ADGRL2: variants seen among roughly 807,000 people sequenced by gnomAD.
ADGRL2 encodes the protein calcium-independent alpha-latrotoxin receptor 2.
ADGRL2 carries 44 observed loss-of-function variants against 157.4 expected under a neutral mutation model. The observed-to-expected ratio is 0.28, with a 90% CI of 0.22 to 0.36. The LOEUF (loss-of-function observed/expected upper bound fraction) is 0.36. ADGRL2 is among the 10% of genes least tolerant of loss of function. The pLI is 1.00. For synonymous variants in ADGRL2, 585 were observed against 624.7 expected (o/e 0.94, Z 0.95); for missense variants, 1,510 against 1,768.9 (o/e 0.85, Z 2.63).
intron 1 of ADGRL2, among the ~76,000 whole-genome samples, chr1:81,739,926 A>G (rs1021864478): frequency 6.6e-5 from 10 of 152,318 alleles, no homozygotes; most frequent in Admixed American, 1.3e-4. Context: ...ACATGCACAA[A>G]CACATAAATA....
At chr1:81,530,045 AG>A (rs1387750737) in intron 2 of ADGRL2, among the ~76,000 whole-genome samples, 1 of 152,226 alleles carries the variant, frequency 6.6e-6, no homozygotes, top group African/African-American at 2.4e-5. Flanking sequence ...TGATGGCTAC[AG>A]GGTTGAATGC....
chr1:81,394,630 G>A (rs535395474), intron 1 of ADGRL2, among the ~76,000 whole-genome samples: 1 of 152,266 alleles, frequency 6.6e-6, no homozygotes, highest in Non-Finnish European at 1.5e-5. Context: ...CACTTTGGTT[G>A]ATTCCATATC....
chr1:81,810,570 C>T (rs1571352487), intron 1 of ADGRL2, among the ~76,000 whole-genome samples: 2 of 151,746 alleles, frequency 1.3e-5, no homozygotes, highest in Admixed American at 6.6e-5. Flanking sequence ...ATGCTTATGG[C>T]GTATTTTAGT....
At chr1:81,367,984 A>G (rs1456840817) in intron 1 of ADGRL2, among the ~76,000 whole-genome samples, 1 of 152,196 alleles carries the variant, frequency 6.6e-6, no homozygotes, top group Non-Finnish European at 1.5e-5. Context: ...GCTATAGTGA[A>G]CATACACGTG....
chr1:81,984,389 G>T, intron 19 of ADGRL2, 194 bp from the exon 20 acceptor site: 1 of 492,128 alleles, frequency 2.0e-6, no homozygotes. Context: ...CAGTCTAGTG[G>T]ACAGAGATAC....
chr1:81,624,197 T>G (rs1164902154), intron 3 of ADGRL2, among the ~76,000 whole-genome samples: 1 of 152,208 alleles, frequency 6.6e-6, no homozygotes, highest in East Asian at 1.9e-4. Context: ...TTCTGTTGTT[T>G]TAAGCTGCCC....
intron 2 of ADGRL2, among the ~76,000 whole-genome samples, chr1:81,520,057 G>C (rs1007992968): frequency 6.6e-6 from 1 of 151,932 alleles, no homozygotes; most frequent in Admixed American, 6.6e-5. Flanking sequence ...ATTTTTATGA[G>C]AGTAGATGAT....
At chr1:81,397,869 T>C (rs1247406293) in intron 1 of ADGRL2, among the ~76,000 whole-genome samples, 1 of 152,174 alleles carries the variant, frequency 6.6e-6, no homozygotes, top group Non-Finnish European at 1.5e-5. Context: ...GGTTTCTTGG[T>C]TGATTTTTTC....
chr1:81,351,574 A>G (rs1477795778), intron 1 of ADGRL2, among the ~76,000 whole-genome samples: 1 of 150,146 alleles, frequency 6.7e-6, no homozygotes, highest in Admixed American at 6.8e-5. Flanking sequence ...GCAAATGCAC[A>G]AAGAAAAAAA....
At chr1:81,850,019 T>C (rs1557770030) in intron 2 of ADGRL2, among the ~76,000 whole-genome samples, 2 of 147,834 alleles carry the variant, frequency 1.4e-5, no homozygotes, top group African/African-American at 2.4e-5. Context: ...CTATAGTCAG[T>C]GGACAGACTG....
At chr1:81,522,569 G>A (rs1272460734) in intron 2 of ADGRL2, among the ~76,000 whole-genome samples, 2 of 138,254 alleles carry the variant, frequency 1.4e-5, no homozygotes, top group Admixed American at 7.2e-5. Flanking sequence ...TTGTCCTGTA[G>A]TATAGGTGAT....
At chr1:81,581,661 T>C (rs1326482972) in intron 3 of ADGRL2, among the ~76,000 whole-genome samples, 1 of 152,140 alleles carries the variant, frequency 6.6e-6, no homozygotes, top group Non-Finnish European at 1.5e-5. Context: ...GAAAGCACAA[T>C]CTTAAAATCT....
intron 1 of ADGRL2, among the ~76,000 whole-genome samples, chr1:81,339,600 G>A (rs185952523): frequency 7.4e-5 from 11 of 149,474 alleles, no homozygotes; most frequent in Admixed American, 6.6e-4. Flanking sequence ...TTGTTTGTTT[G>A]TTTTTCCTTT....
intron 6 of ADGRL2, among the ~76,000 whole-genome samples, chr1:81,945,634 A>G (rs1649564811): frequency 6.6e-6 from 1 of 152,082 alleles, no homozygotes; most frequent in African/African-American, 2.4e-5. Context: ...TCAGATGAAA[A>G]GTCTTTGATA....
chr1:81,735,110 A>C (rs2084853433), intron 1 of ADGRL2: 1 of 148,896 alleles, frequency 6.7e-6, no homozygotes, highest in South Asian at 2.2e-4. Flanking sequence ...GAAAGAAAAC[A>C]TGGAGGGGAA....
In ADGRL2 at chr1:81,311,619, G is replaced by A. The variant is rs150455560; in HGVS notation, c.-302+5110G>A. On this transcript the variant is annotated intron_variant, in intron 1 of 24. Transcript: ENST00000370721. ...TATATATTTTTTAAAATTTGTTTCAGGAGGAAACAAATTTGAGAGGAACAT... is the reference window on the plus strand; with the variant it reads ...TATATATTTTTTAAAATTTGTTTCAAGAGGAAACAAATTTGAGAGGAACAT... 1.1e-3 allele frequency among the ~76,000 whole-genome samples: 170 copies of A among 152,184 alleles called. 1 individual carries two copies. The Middle Eastern group carries it at 0.014, about 12-fold the overall frequency.
chr1:81,432,129 T>C (rs1160023766), intron 1 of ADGRL2, among the ~76,000 whole-genome samples: 1 of 152,212 alleles, frequency 6.6e-6, no homozygotes, highest in Non-Finnish European at 1.5e-5. Flanking sequence ...GCCACAGAGA[T>C]GCTAATCTAT....
intron 1 of ADGRL2, among the ~76,000 whole-genome samples, chr1:81,319,056 C>G (rs1050957180): frequency 6.7e-6 from 1 of 150,286 alleles, no homozygotes; most frequent in African/African-American, 2.4e-5. Flanking sequence ...ATTCTCCTGC[C>G]TCAGCCTCCC....
intron 2 of ADGRL2, among the ~76,000 whole-genome samples, chr1:81,864,736 C>T (rs943635592): frequency 6.6e-6 from 1 of 151,906 alleles, no homozygotes; most frequent in Non-Finnish European, 1.5e-5. Context: ...CTGAGGTGGG[C>T]GGATAACCGG....
Sources: allele counts gnomAD v4.1 joint callset (sites outside exome capture counted in the v4.1 genomes callset), GRCh38; gene constraint gnomAD v4.1.1; transcripts MANE v1.5; gene names NCBI Gene and HGNC (gene_info 2026-07-23, HGNC 2026-07-21).